The following RORA variants were observed in gnomAD, a reference collection of about 807,000 sequenced individuals.
RORA encodes the protein nuclear receptor ROR-alpha.
In RORA, 7 loss-of-function variants were observed where a neutral mutation model predicts 69.5. The observed-to-expected ratio is 0.10, with a 90% confidence interval of 0.06 to 0.19. RORA has a LOEUF of 0.19. Among genes scored for constraint, RORA ranks in the 10% least tolerant of loss-of-function variants. RORA has a pLI of 1.00. For synonymous variants in RORA, 261 were observed against 240.8 expected (o/e 1.08, Z -0.78); for missense variants, 457 against 663.0 (o/e 0.69, Z 3.41).
chr15:61,213,094 C>T lies in RORA; in HGVS notation c.166+15959G>A, dbSNP rs1567040099. Among the ~76,000 whole-genome samples, 2 of 152,168 alleles carry T rather than the reference C, an allele frequency of 1.3e-5. No homozygotes were observed. The highest frequency in any genetic ancestry group is 2.9e-5 in the Non-Finnish European group (2 of 68,034). On this transcript the variant is annotated intron_variant, in intron 1 of 10. Coordinates refer to ENST00000335670, the MANE Select transcript of RORA (RefSeq NM_134261.3). The surrounding 1 kb of genome is among the most constrained non-coding windows in gnomAD (Gnocchi z 4.1). ...CTGGAACTTCCAACTCAGCCCATCC[C>T]AAATTGAACCCATGCCTTCTCTCCT...
Position 60,983,734 on chromosome 15 carries a change from C to T in RORA, c.166+245319G>A, listed in dbSNP as rs532230522. Among the ~76,000 whole-genome samples, 137 of 152,290 alleles carry T rather than the reference C, an allele frequency of 9.0e-4. 1 individual carries two copies. Among genetic ancestry groups the T allele is most frequent in the African/African-American group, 3.1e-3 (128 of 41,556 alleles). On this transcript the variant is annotated intron_variant, in intron 1 of 10. Transcript: ENST00000335670. ...CCCATAAGCTCCCACTTTGAGTTGTCCCGCCTTTCCAGACTAAATAAACGA... is the reference window on the plus strand; with the variant it reads ...CCCATAAGCTCCCACTTTGAGTTGTTCCGCCTTTCCAGACTAAATAAACGA...
chr15:60,849,932 G>T (rs2073306179), intron 1 of RORA, among the ~76,000 whole-genome samples: 1 of 152,216 alleles, frequency 6.6e-6, no homozygotes, highest in South Asian at 2.1e-4. Flanking sequence ...TGTGGCTCCA[G>T]TGGGTTTCCT....
At position 60,863,938 on chromosome 15, in the gene RORA, C is replaced by A. The variant is rs1444470204; in HGVS notation, c.167-185252G>T. ...TCTTCTTCCTCAGCCTCCCAAGAAG[C>A]TGAGACTACAGGTGCGTGCCACTGT... On this transcript the variant is annotated intron_variant, in intron 1 of 10. Transcript: ENST00000335670. Among the ~76,000 whole-genome samples, 6 of 152,122 alleles carry A rather than the reference C, an allele frequency of 3.9e-5. No homozygotes were observed. In the East Asian group the frequency reaches 1.2e-3, roughly 29 times the overall value.
intron 1 of RORA, among the ~76,000 whole-genome samples, chr15:60,947,876 A>ATGGGGCCT (rs1369995176): frequency 6.6e-6 from 1 of 152,148 alleles, no homozygotes; most frequent in African/African-American, 2.4e-5. Context: ...CAGGCAGGGC[A>ATGGGGCCT]TGGGGCCTTG....
Position 60,511,237 on chromosome 15 carries a change from A to C in RORA, c.809T>G (p.Met270Arg), listed in dbSNP as rs1407052090. The part of the protein sequence containing the change: ...TNGETSPTVS[M>R]AELEHLAQNI... ...ATGCATGCCATTACCTAATTCTGCC[A>C]TGGACACAGTTGGGGAAGTCTCGCC... Residue 270 changes from methionine (M) to arginine (R), a missense_variant, in exon 5 of 11, where the codon ATG becomes AGG. By Grantham distance (91) the Met-to-Arg change is moderately conservative. This residue lies in a region of RORA where 304 missense variants were observed against 447.4 expected (regional missense o/e 0.68). Coordinates refer to ENST00000335670, the MANE Select transcript of RORA (RefSeq NM_134261.3). This position sits in a 1 kb window ranked among gnomAD's most constrained non-coding sequence, Gnocchi z 6.4. 1 of 1,612,630 alleles carries C rather than the reference A, an allele frequency of 6.2e-7. No homozygotes were observed. Among genetic ancestry groups the C allele is most frequent in the Admixed American group, 1.7e-5 (1 of 59,976 alleles).
chr15:61,224,035 G>A (rs868650326), intron 1 of RORA, among the ~76,000 whole-genome samples: 6 of 148,774 alleles, frequency 4.0e-5, no homozygotes, highest in African/African-American at 9.9e-5. Flanking sequence ...AAAAATGATA[G>A]AAGAGAAAAT....
intron 1 of RORA, among the ~76,000 whole-genome samples, chr15:61,049,474 T>A (rs1045901093): frequency 2.6e-5 from 4 of 152,082 alleles, no homozygotes; most frequent in African/African-American, 7.2e-5. Flanking sequence ...GATGCTACCA[T>A]AAAAAATACA....
intron 1 of RORA, among the ~76,000 whole-genome samples, chr15:61,198,840 C>CAT (rs981698667): frequency 4.0e-4 from 61 of 152,200 alleles, no homozygotes; most frequent in Admixed American, 3.9e-4. Context: ...GCTTACTCTC[C>CAT]ATACTAATTC....
At chr15:61,090,255 A>G (rs2078686050) in intron 1 of RORA, among the ~76,000 whole-genome samples, 1 of 152,138 alleles carries the variant, frequency 6.6e-6, no homozygotes, top group Non-Finnish European at 1.5e-5. Flanking sequence ...TGTATTTTTT[A>G]TTCTGTTTAC....
intron 1 of RORA, among the ~76,000 whole-genome samples, chr15:61,176,814 A>G (rs773329055): frequency 1.6e-4 from 24 of 152,204 alleles, no homozygotes; most frequent in African/African-American, 4.8e-4. Context: ...AAAAATGACT[A>G]CTATTATTAT....
chr15:60,948,261 C>T (rs898639939), intron 1 of RORA, among the ~76,000 whole-genome samples: 2 of 151,190 alleles, frequency 1.3e-5, no homozygotes, highest in African/African-American at 4.9e-5. Context: ...AAAAAAATCA[C>T]AGGTGTTAAA....
intron 1 of RORA, among the ~76,000 whole-genome samples, chr15:60,839,693 T>C (rs1321754005): frequency 2.6e-5 from 4 of 152,202 alleles, no homozygotes; most frequent in Non-Finnish European, 1.5e-5. Flanking sequence ...AGACTGGCAC[T>C]GGCTAGAGCA....
chr15:60,588,494 C>T (rs961116697), intron 2 of RORA, among the ~76,000 whole-genome samples: 4 of 145,970 alleles, frequency 2.7e-5, no homozygotes, highest in African/African-American at 1.0e-4. Context: ...TAACTTTTCT[C>T]CAGTAAGTGG....
rs140002138 is a variant in RORA at position 60,893,012 on chromosome 15, T to A, written c.167-214326A>T. ...CCTCTGCTTCTGTGAGAGTTTGGGA[T>A]TCCAGATGAATTCTCCCAGCATAGC... is the stretch of plus-strand genomic sequence containing the variant. On this transcript the variant is annotated intron_variant, in intron 1 of 10. Transcript: ENST00000335670. Among the ~76,000 whole-genome samples, 311 of 152,330 alleles carry A rather than the reference T, an allele frequency of 2.0e-3. 1 individual carries two copies. Among genetic ancestry groups the A allele is most frequent in the African/African-American group, 7.1e-3 (295 of 41,582 alleles).
At chr15:60,549,731 G>A (rs554630085) in intron 2 of RORA, among the ~76,000 whole-genome samples, 3 of 151,960 alleles carry the variant, frequency 2.0e-5, no homozygotes, top group South Asian at 2.1e-4. Flanking sequence ...AAACTATAAC[G>A]TCACTCTCCA....
At chr15:60,599,641 C>T (rs1241643206) in intron 2 of RORA, among the ~76,000 whole-genome samples, 2 of 152,086 alleles carry the variant, frequency 1.3e-5, no homozygotes, top group African/African-American at 4.8e-5. Context: ...CGAGCATTTA[C>T]CAGAGATAAA....
At chr15:60,570,422 C>T (rs2067845178) in intron 2 of RORA, among the ~76,000 whole-genome samples, 1 of 152,108 alleles carries the variant, frequency 6.6e-6, no homozygotes, top group Admixed American at 6.5e-5. Flanking sequence ...CTTGACTTCC[C>T]CAGCCTCGGG....
At chr15:60,612,063 C>A (rs1246721975) in intron 2 of RORA, among the ~76,000 whole-genome samples, 1 of 152,066 alleles carries the variant, frequency 6.6e-6, no homozygotes, top group Non-Finnish European at 1.5e-5. Context: ...GGAGAAGGAA[C>A]CCAGAGAAAT....
At chr15:61,214,871 T>TC (rs2080024503) in intron 1 of RORA, among the ~76,000 whole-genome samples, 1 of 146,016 alleles carries the variant, frequency 6.8e-6, no homozygotes, top group Non-Finnish European at 1.5e-5. Flanking sequence ...GACTTTTTTT[T>TC]TTTTTTTTTT....
Sources: gnomAD v4.1 joint callset for allele counts (sites outside exome capture counted in the v4.1 genomes callset) on GRCh38, gnomAD v4.1.1 for gene constraint, gnomAD v4.1.1 regional missense constraint, Gnocchi (gnomAD v3.1) non-coding constraint, MANE v1.5 for transcripts, NCBI Gene and HGNC (gene_info 2026-07-23, HGNC 2026-07-21) for gene names.